CNOT1: variants seen among roughly 807,000 people sequenced by gnomAD.
The protein encoded by CNOT1 is CCR4-NOT transcription complex subunit 1.
A neutral mutation model predicts 273.8 loss-of-function variants in CNOT1; 15 were observed. That is an observed-to-expected ratio of 0.05 (90% CI 0.04 to 0.08). CNOT1 has a LOEUF of 0.08. CNOT1 is among the 10% of genes least tolerant of loss of function. CNOT1 has a pLI of 1.00. For synonymous variants in CNOT1, 1,022 were observed against 1,005.5 expected (o/e 1.02, Z -0.31); for missense variants, 1,644 against 2,912.2 (o/e 0.56, Z 10.02).
At chr16:58,553,665 T>C in intron 22 of CNOT1, 117 bp downstream of exon 22, 1 of 1,290,170 alleles carries the variant, frequency 7.8e-7, no homozygotes, top group South Asian at 1.9e-5. Context: ...ACCTATATCA[T>C]GCCAATCATT....
chr16:58,529,364 A>T (rs2151900064), intron 43 of CNOT1, among the ~76,000 whole-genome samples: 1 of 152,304 alleles, frequency 6.6e-6, no homozygotes, highest in South Asian at 2.1e-4. Flanking sequence ...AGGGAGTAAA[A>T]GGGCAAGCTG....
intron 1 of CNOT1, among the ~76,000 whole-genome samples, chr16:58,622,185 G>A (rs959010042): frequency 6.6e-6 from 1 of 151,420 alleles, no homozygotes; most frequent in East Asian, 2.0e-4. Context: ...GTGGTGGTGG[G>A]CGCCTGTAGT....
Position 58,551,579 on chromosome 16 carries a change from A to G in CNOT1, c.3201+10T>C. On this transcript the variant is annotated intron_variant, in intron 23 of 48. Coordinates refer to ENST00000317147, the MANE Select transcript of CNOT1 (RefSeq NM_016284.5). Reference sequence around the variant, plus strand: ...AAATCCTGGAAGAGAAAAAAGATAGATCTACTTACTGGCACATCTTTCTTA... The same window carrying G: ...AAATCCTGGAAGAGAAAAAAGATAGGTCTACTTACTGGCACATCTTTCTTA... The G allele has an allele frequency of 1.2e-6, 2 of 1,610,072 alleles. No homozygotes were observed.
At chr16:58,564,117 A>C (rs894616033) in intron 16 of CNOT1, among the ~76,000 whole-genome samples, 1 of 152,328 alleles carries the variant, frequency 6.6e-6, no homozygotes, top group Non-Finnish European at 1.5e-5. Flanking sequence ...TCTCTTCTAC[A>C]GTGAAGGATA....
rs1489094584 is a variant in CNOT1 at position 58,608,987 on chromosome 16, T to C, written c.-174-9476A>G. ...GAGGATTGGGGATTCAGGAGGAAAG[T>C]GTGGGAAGGGGATGAGGAATAAAAG... On this transcript the variant is annotated intron_variant, in intron 1 of 48. Transcript: ENST00000317147. 6.6e-5 allele frequency among the ~76,000 whole-genome samples: 10 copies of C among 152,000 alleles called. No homozygotes were observed. In the East Asian group the frequency reaches 1.9e-3, roughly 29 times the overall value.
At chr16:58,543,089 T>A (rs1351091652) in intron 31 of CNOT1, 1 of 1,237,208 alleles carries the variant, frequency 8.1e-7, no homozygotes, top group African/African-American at 1.6e-5. Flanking sequence ...TGAGACCCTG[T>A]CTCATGAAAC....
At chr16:58,568,355 C>G (rs191803264) in intron 16 of CNOT1, among the ~76,000 whole-genome samples, 1 of 139,806 alleles carries the variant, frequency 7.2e-6, no homozygotes, top group African/African-American at 2.7e-5. Flanking sequence ...GCAACAAGAG[C>G]GAAACTCCAT....
chr16:58,611,197 G>A (rs562892028), intron 1 of CNOT1, among the ~76,000 whole-genome samples: 4 of 151,986 alleles, frequency 2.6e-5, no homozygotes, highest in Admixed American at 6.6e-5. Context: ...GGGAGGCTGA[G>A]GCGGGTGGAC....
At chr16:58,603,739 T>C (rs2042563853) in intron 1 of CNOT1, among the ~76,000 whole-genome samples, 1 of 152,140 alleles carries the variant, frequency 6.6e-6, no homozygotes, top group Non-Finnish European at 1.5e-5. Context: ...GACAGCAATA[T>C]GGCTAACTAC....
At chr16:58,566,814 A>G (rs2041059727) in intron 16 of CNOT1, among the ~76,000 whole-genome samples, 1 of 152,020 alleles carries the variant, frequency 6.6e-6, no homozygotes, top group Non-Finnish European at 1.5e-5. Context: ...TTCTATTTTT[A>G]GTAGCGATGG....
intron 1 of CNOT1, among the ~76,000 whole-genome samples, chr16:58,629,258 C>T (rs1191765055): frequency 6.6e-6 from 1 of 152,248 alleles, no homozygotes; most frequent in Non-Finnish European, 1.5e-5. Context: ...AAACTCCAAA[C>T]ACGGTCCCCC....
chr16:58,604,549 A>C (rs1419175609), intron 1 of CNOT1, among the ~76,000 whole-genome samples: 1 of 151,410 alleles, frequency 6.6e-6, no homozygotes, highest in Non-Finnish European at 1.5e-5. Flanking sequence ...TGGGAGGCCA[A>C]GGCGGGTGAA....
chr16:58,541,094 C>G (rs549010737), intron 34 of CNOT1, among the ~76,000 whole-genome samples: 1 of 152,120 alleles, frequency 6.6e-6, no homozygotes, highest in South Asian at 2.1e-4. Flanking sequence ...AGTCCTAGCT[C>G]CTCAGGAGGC....
chr16:58,543,434 A>G lies in CNOT1; in HGVS notation c.4434+173T>C, dbSNP rs1007192304. On this transcript the variant is annotated intron_variant, in intron 31 of 48. Transcript: ENST00000317147. ...CAGAAAAAAAAAAAAACACACAGAC[A>G]TGATGCTTTGCCTCACAGAATTACA... 29 of 1,494,918 alleles carry G rather than the reference A, an allele frequency of 1.9e-5. No individual in the cohort carries two copies. The East Asian group carries it at 6.7e-4, about 34-fold the overall frequency. The allele number at this position is 1,494,918 out of a possible 1,614,324, so 92.6% of individuals were successfully genotyped here.
intron 1 of CNOT1, among the ~76,000 whole-genome samples, chr16:58,617,907 G>A (rs1401118061): frequency 6.6e-6 from 1 of 152,210 alleles, no homozygotes; most frequent in African/African-American, 2.4e-5. Flanking sequence ...TACTTGGGCT[G>A]CTGTGGGAGG....
intron 29 of CNOT1, 104 bp downstream of exon 29, chr16:58,546,217 C>T (rs2040253306): frequency 9.7e-7 from 1 of 1,029,712 alleles, no homozygotes. Context: ...AGTTTCACCA[C>T]TACATTATGT....
At position 58,599,517 on chromosome 16, in the gene CNOT1, T is replaced by A; in HGVS notation, c.-174-6A>T. Reference sequence around the variant, plus strand: ...TCTGTTCTGAAACATGGCACCTGTTTAAAAAAACACACACACACAAATCCA... The same window carrying A: ...TCTGTTCTGAAACATGGCACCTGTTAAAAAAAACACACACACACAAATCCA... On this transcript the variant is annotated splice_polypyrimidine_tract_variant and splice_region_variant and intron_variant, in intron 1 of 48. Transcript: ENST00000317147. The A allele has an allele frequency of 1.5e-6, 1 of 662,118 alleles. No individual in the cohort carries two copies. The highest frequency in any genetic ancestry group is 2.4e-6 in the Non-Finnish European group (1 of 417,798). 41.0% of individuals were successfully genotyped at this position (662,118 alleles called of 1,614,324 possible).
At chr16:58,585,198 C>T (rs534108950) in intron 8 of CNOT1, 140 bp downstream of exon 8, 29 of 1,199,986 alleles carry the variant, frequency 2.4e-5, no homozygotes, top group African/African-American at 4.7e-5. Context: ...CACACTAGTT[C>T]GTGGAAGATT....
At chr16:58,564,149 ATG>A (rs1012403480) in intron 16 of CNOT1, among the ~76,000 whole-genome samples, 1 of 152,192 alleles carries the variant, frequency 6.6e-6, no homozygotes, top group Non-Finnish European at 1.5e-5. Context: ...ACGAATAAGT[ATG>A]TATTTGTTTT....
Sources: gnomAD v4.1 joint callset for allele counts (sites outside exome capture counted in the v4.1 genomes callset) on GRCh38, gnomAD v4.1.1 for gene constraint, MANE v1.5 for transcripts, NCBI Gene and HGNC (gene_info 2026-07-23, HGNC 2026-07-21) for gene names.